ISM2: variants seen among roughly 807,000 people sequenced by gnomAD.
ISM2 encodes isthmin-2.
Under a neutral mutation model 58.0 loss-of-function variants are expected in ISM2, and 50 were observed. The ratio of observed to expected loss-of-function variants is 0.86; its 90% CI spans 0.69 to 1.09. The LOEUF (loss-of-function observed/expected upper bound fraction) is 1.09, where lower values mean the gene tolerates loss of function less well. Ranked by LOEUF, ISM2 falls within the 50% of genes least tolerant of loss-of-function variation. The pLI is 0.00. For missense variants in ISM2, 723 were observed against 745.0 expected (o/e 0.97, Z 0.34); for synonymous variants, 303 against 312.4 (o/e 0.97, Z 0.32).
chr14:77,478,779 A>G, intron 4 of ISM2, 64 bp from the exon 5 acceptor site: 4 of 1,529,866 alleles, frequency 2.6e-6, no homozygotes, highest in Non-Finnish European at 2.7e-6. Context: ...GGTACAAATC[A>G]GCACAGGGCA....
intron 1 of ISM2, among the ~76,000 whole-genome samples, chr14:77,496,759 C>G (rs1168432448): frequency 8.0e-6 from 1 of 125,486 alleles, no homozygotes; most frequent in Admixed American, 9.8e-5. Context: ...ATTGTGCCAC[C>G]GCATTCCAGC....
chr14:77,490,718 C>T (rs2079198310), intron 1 of ISM2, among the ~76,000 whole-genome samples: 1 of 152,256 alleles, frequency 6.6e-6, no homozygotes, highest in South Asian at 2.1e-4. Context: ...CTCTCCACGT[C>T]CATCCTTCCC....
chr14:77,482,594 G>A lies in ISM2; in HGVS notation c.701C>T (p.Pro234Leu), dbSNP rs150041049. 844 of 1,610,834 alleles carry A rather than the reference G, an allele frequency of 5.2e-4. 2 individuals carry two copies. The highest frequency in any genetic ancestry group is 2.9e-3 in the Admixed American group (174 of 59,704). The change falls in exon 4 of 7, where the codon CCG becomes CTG. Residue 234 changes from proline to leucine, a missense_variant. By Grantham distance (98) the Pro-to-Leu change is moderately conservative (BLOSUM62 -3). Coordinates refer to ENST00000342219, the MANE Select transcript of ISM2 (RefSeq NM_199296.3). Reference protein sequence around the residue: ...IDLLAEPSNPPPQDTLSWLPA... With the variant: ...IDLLAEPSNPLPQDTLSWLPA... ...CAGCCAGCTAAGGGTATCCTGGGGC[G>A]GGGGATTGCTGGGCTCAGCCAACAG... is the stretch of plus-strand genomic sequence containing the variant.
intron 1 of ISM2, among the ~76,000 whole-genome samples, chr14:77,490,442 CACA>C (rs979286492): frequency 9.9e-5 from 15 of 152,172 alleles, no homozygotes; most frequent in African/African-American, 3.4e-4. Flanking sequence ...ACTGGATTCT[CACA>C]ACAACACTTT....
intron 4 of ISM2, 109 bp downstream of exon 4, chr14:77,482,213 G>A: frequency 1.4e-6 from 1 of 733,516 alleles, no homozygotes; most frequent in East Asian, 2.5e-5. Context: ...CTAAGCTCCT[G>A]GCTTCCTCAA....
intron 4 of ISM2, among the ~76,000 whole-genome samples, chr14:77,481,342 A>C (rs2139958371): frequency 6.6e-6 from 1 of 152,054 alleles, no homozygotes; most frequent in South Asian, 2.1e-4. Context: ...TCCACCTCAA[A>C]AAAATTAAAA....
intron 1 of ISM2, among the ~76,000 whole-genome samples, chr14:77,488,890 A>G (rs2079183918): frequency 6.6e-6 from 1 of 152,186 alleles, no homozygotes; most frequent in Non-Finnish European, 1.5e-5. Flanking sequence ...GAAGAACTCC[A>G]GTCCTGTCTC....
chr14:77,485,316 GA>G (rs1416281104), intron 1 of ISM2, among the ~76,000 whole-genome samples: 16 of 152,360 alleles, frequency 1.1e-4, no homozygotes, highest in African/African-American at 3.6e-4. Context: ...GGCCAGAGGA[GA>G]AAGGCCCCCA....
chr14:77,498,519 G>T (rs759042426), intron 1 of ISM2, 134 bp downstream of exon 1: 64 of 1,313,936 alleles, frequency 4.9e-5, no homozygotes, highest in Middle Eastern at 2.0e-4. Flanking sequence ...CTTCCGGCCG[G>T]CCCCGGCCCC....
chr14:77,484,336 T>C lies in ISM2; in HGVS notation c.614A>G (p.Asn205Ser), dbSNP rs767821952. ...ELVHATLSTP[N>S]PDNQVTIKVV... Reference sequence around the variant, plus strand: ...TGTAGCTCTCACCTGGTTATCAGGGTTAGGGGTACTCAAGGTTGCGTGGAC... The same window carrying C: ...TGTAGCTCTCACCTGGTTATCAGGGCTAGGGGTACTCAAGGTTGCGTGGAC... Residue 205 changes from asparagine (N) to serine (S), a missense_variant, in exon 3 of 7, where the codon AAC (asparagine) becomes AGC (serine). Coordinates refer to ENST00000342219, the MANE Select transcript of ISM2 (RefSeq NM_199296.3). The C allele has an allele frequency of 1.6e-5, 26 of 1,610,888 alleles. No homozygotes were observed. In the South Asian group the frequency reaches 2.6e-4, roughly 16 times the overall value.
intron 1 of ISM2, among the ~76,000 whole-genome samples, chr14:77,488,435 C>T (rs757219717): frequency 6.6e-6 from 1 of 152,136 alleles, no homozygotes; most frequent in Non-Finnish European, 1.5e-5. Flanking sequence ...TGACAGTAAC[C>T]CCTTGTGGGC....
intron 4 of ISM2, among the ~76,000 whole-genome samples, chr14:77,479,304 C>T (rs549275101): frequency 4.0e-5 from 6 of 151,716 alleles, no homozygotes; most frequent in South Asian, 2.1e-4. Context: ...ACTGTACCTT[C>T]GCCTCCCGGG....
chr14:77,478,114 C>T (rs1232654459), intron 6 of ISM2, 128 bp downstream of exon 6: 2 of 784,722 alleles, frequency 2.5e-6, no homozygotes, highest in Non-Finnish European at 4.3e-6. Flanking sequence ...AGAAGCAAAC[C>T]TTCCAGATGG....
intron 4 of ISM2, 105 bp from the exon 5 acceptor site, chr14:77,478,820 A>AT: frequency 8.5e-7 from 1 of 1,182,790 alleles, no homozygotes; most frequent in Non-Finnish European, 1.2e-6. Flanking sequence ...AGCCCATGCC[A>AT]GGGCTTCCAG....
chr14:77,491,302 G>A (rs1012077553), intron 1 of ISM2, among the ~76,000 whole-genome samples: 3 of 152,128 alleles, frequency 2.0e-5, no homozygotes, highest in African/African-American at 4.8e-5. Flanking sequence ...CCCCTGCTGC[G>A]GCAGCACAAA....
At chr14:77,496,974 T>G (rs1466504269) in intron 1 of ISM2, among the ~76,000 whole-genome samples, 1 of 151,998 alleles carries the variant, frequency 6.6e-6, no homozygotes, top group Non-Finnish European at 1.5e-5. Context: ...TTGGAGGGTT[T>G]CAGCAGTCTG....
At chr14:77,487,242 C>CA (rs1193897794) in intron 1 of ISM2, among the ~76,000 whole-genome samples, 11 of 101,430 alleles carry the variant, frequency 1.1e-4, no homozygotes, top group African/African-American at 4.7e-4. Context: ...GAGAATCCAT[C>CA]TTAAATAAAT....
intron 4 of ISM2, among the ~76,000 whole-genome samples, chr14:77,479,147 G>A (rs1566753395): frequency 2.0e-5 from 3 of 151,444 alleles, no homozygotes; most frequent in South Asian, 4.2e-4. Flanking sequence ...GCTCACTGCA[G>A]CCTTGACTTC....
In ISM2 at chr14:77,490,794, C is replaced by A. The variant is rs1388663799; in HGVS notation, c.142-5875G>T. Among the ~76,000 whole-genome samples the A allele has an allele frequency of 2.0e-5, 3 of 152,340 alleles. 1 individual carries two copies. Among genetic ancestry groups the A allele is most frequent in the Admixed American group, 2.0e-4 (3 of 15,304 alleles). Reference sequence around the variant, plus strand: ...TGGAGACTTGCCTGAGGCCTCTGGGCAGCCAAGCTTCCAGGCCTCATTCCT... The same window carrying A: ...TGGAGACTTGCCTGAGGCCTCTGGGAAGCCAAGCTTCCAGGCCTCATTCCT... On this transcript the variant is annotated intron_variant, in intron 1 of 6. Coordinates refer to ENST00000342219, the MANE Select transcript of ISM2 (RefSeq NM_199296.3).
Sources: gnomAD v4.1 joint callset for allele counts (sites outside exome capture counted in the v4.1 genomes callset) on GRCh38, gnomAD v4.1.1 for gene constraint, MANE v1.5 for transcripts, NCBI Gene and HGNC (gene_info 2026-07-23, HGNC 2026-07-21) for gene names.